The following LTBP3 variants were observed in gnomAD, a reference collection of about 807,000 sequenced individuals.
LTBP3 encodes the protein latent transforming growth factor beta binding protein 3.
LTBP3 carries 97 observed loss-of-function variants against 159.7 expected under a neutral mutation model. The ratio of observed to expected loss-of-function variants is 0.61; its 90% CI spans 0.52 to 0.72. LTBP3 has a LOEUF of 0.72. Ranked by LOEUF, LTBP3 falls within the 30% of genes least tolerant of loss-of-function variation. The pLI is 0.00. For synonymous variants in LTBP3, 824 were observed against 777.1 expected, an observed-to-expected ratio of 1.06 and a Z score of -1.00; for missense variants, 1,584 against 1,864.3, an observed-to-expected ratio of 0.85 and a Z score of 2.77.
Position 65,553,029 on chromosome 11 carries a change from G to A in LTBP3, c.1064-47C>T, listed in dbSNP as rs563930430. 12 of 1,613,812 alleles carry A rather than the reference G, an allele frequency of 7.4e-6. No individual in the cohort carries two copies. In the South Asian group the frequency reaches 1.3e-4, roughly 18 times the overall value. ...CCCCTCTGGTCTGGGGCCATGGGGT[G>A]ACAGCAGGCTGCTCCAAGAACCTCA... On this transcript the variant is annotated intron_variant, in intron 5 of 27. Transcript: ENST00000301873. The surrounding 1 kb of genome is among the most constrained non-coding windows in gnomAD (Gnocchi z 6.5).
intron 18 of LTBP3, chr11:65,542,403 T>G (rs1330820353): frequency 6.8e-6 from 1 of 147,452 alleles, no homozygotes; most frequent in Non-Finnish European, 1.5e-5. Context: ...TTTTTTTTTT[T>G]TTTGAGATGG....
At chr11:65,540,794 G>C (rs1856094184) in intron 21 of LTBP3, 77 bp downstream of exon 21, 10 of 1,525,778 alleles carry the variant, frequency 6.6e-6, no homozygotes, top group South Asian at 4.6e-5. Context: ...AGCTGACCCA[G>C]CGAGTCCCGG....
chr11:65,541,477 A>G, intron 19 of LTBP3, 123 bp downstream of exon 19: 1 of 1,533,708 alleles, frequency 6.5e-7, no homozygotes, highest in East Asian at 2.3e-5. Context: ...AGACTCCCCC[A>G]GCCAAAAGAG....
At chr11:65,545,395 C>T (rs536147953) in intron 16 of LTBP3, 37 of 227,872 alleles carry the variant, frequency 1.6e-4, no homozygotes, top group Middle Eastern at 1.3e-3. Flanking sequence ...GCATCTCCTG[C>T]TGAGAGGCTC....
At chr11:65,539,965 G>A in intron 24 of LTBP3, 48 bp downstream of exon 24, 1 of 1,456,550 alleles carries the variant, frequency 6.9e-7, no homozygotes, top group Non-Finnish European at 9.0e-7. Flanking sequence ...CGGGGGCCAC[G>A]TGACGGACAG....
At chr11:65,550,234 C>T (rs1856553150) in intron 11 of LTBP3, among the ~76,000 whole-genome samples, 1 of 151,816 alleles carries the variant, frequency 6.6e-6, no homozygotes, top group Admixed American at 6.6e-5. Context: ...ATGGTGAAAC[C>T]CCATGTCTAC....
rs1376789095 is a variant in LTBP3, at chr11:65,547,154, C to A, written c.2108-234G>T. Among the ~76,000 whole-genome samples, 1 of 152,180 alleles carries A rather than the reference C, an allele frequency of 6.6e-6. No homozygotes were observed. The highest frequency in any genetic ancestry group is 1.5e-5 in the Non-Finnish European group (1 of 68,024). On this transcript the variant is annotated intron_variant, in intron 14 of 27. Coordinates refer to ENST00000301873, the MANE Select transcript of LTBP3 (RefSeq NM_001130144.3). The surrounding 1 kb of genome is among the most constrained non-coding windows in gnomAD (Gnocchi z 4.6). ...CCTGAGGTCAGGAGTTCGAGACCAGCCTGGCCAACATGGCGAAACCCCGTC... is the reference window on the plus strand; with the variant it reads ...CCTGAGGTCAGGAGTTCGAGACCAGACTGGCCAACATGGCGAAACCCCGTC...
Position 65,539,053 on chromosome 11 carries a change from T to C in LTBP3, c.*27A>G. ...GGAAATCCCTCAGTGATCACCGAGGTCTGGGCCGAGGGCGGCGTCGGCGGC... is the reference window on the plus strand; with the variant it reads ...GGAAATCCCTCAGTGATCACCGAGGCCTGGGCCGAGGGCGGCGTCGGCGGC... On this transcript the variant is annotated 3_prime_UTR_variant, in exon 28 of 28. Transcript: ENST00000301873. 2 of 1,356,086 alleles carry C rather than the reference T, an allele frequency of 1.5e-6. No individual in the cohort carries two copies. The highest frequency in any genetic ancestry group is 1.9e-6 in the Non-Finnish European group (2 of 1,056,282). 84.0% of individuals were successfully genotyped at this position (1,356,086 alleles called of 1,614,324 possible). A position where few individuals can be genotyped will look rare whatever the true frequency, so the allele number is the denominator to read the frequency against.
At position 65,558,114 on chromosome 11, in the gene LTBP3, G is replaced by A; in HGVS notation, c.-155C>T. The A allele has an allele frequency of 2.8e-6, 3 of 1,079,506 alleles. No individual in the cohort carries two copies. The highest frequency in any genetic ancestry group is 1.1e-6 in the Non-Finnish European group (1 of 889,614). The allele number at this position is 1,079,506 out of a possible 1,614,324, so 66.9% of individuals were successfully genotyped here. On this transcript the variant is annotated 5_prime_UTR_variant, in exon 1 of 28. Transcript: ENST00000301873. ...GGGCGGGAGGGGACCGCGGGGGCCCGGCGGGAGGCGCGGAGATGCAGACTG... is the reference window on the plus strand; with the variant it reads ...GGGCGGGAGGGGACCGCGGGGGCCCAGCGGGAGGCGCGGAGATGCAGACTG...
rs971757028 is a variant in LTBP3 at position 65,554,121 on chromosome 11, G to C, written c.591C>G (p.Pro197=). 6.2e-7 allele frequency: 1 copy of C among 1,611,166 alleles called. No homozygotes were observed. Among genetic ancestry groups the C allele is most frequent in the Non-Finnish European group, 8.5e-7 (1 of 1,179,556 alleles). The change falls in exon 2 of 28, where the codon CCC becomes CCG. Residue 197 remains proline, a synonymous_variant. Coordinates refer to ENST00000301873, the MANE Select transcript of LTBP3 (RefSeq NM_001130144.3). The surrounding 1 kb of genome is among the most constrained non-coding windows in gnomAD (Gnocchi z 5.3). The part of the protein sequence containing the change: ...AVQVIADPPG[P]GEGPPAQHAA... Reference sequence around the variant, plus strand: ...CGTGCTGGGCAGGAGGCCCCTCCCCGGGCCCAGGAGGGTCAGCGATCACCT... The same window carrying C: ...CGTGCTGGGCAGGAGGCCCCTCCCCCGGCCCAGGAGGGTCAGCGATCACCT...
rs1054389826 is a variant in LTBP3, at chr11:65,540,014, G to A, written c.3384C>T (p.Ala1128=). 3 of 1,495,894 alleles carry A rather than the reference G, an allele frequency of 2.0e-6. No individual in the cohort carries two copies. Among genetic ancestry groups the A allele is most frequent in the Non-Finnish European group, 2.7e-6 (3 of 1,128,598 alleles). 92.7% of individuals were successfully genotyped at this position (1,495,894 alleles called of 1,614,324 possible). The change falls in exon 24 of 28, where the codon GCC becomes GCT. Residue 1128 remains alanine (A), a splice_region_variant and synonymous_variant. Coordinates refer to ENST00000301873, the MANE Select transcript of LTBP3 (RefSeq NM_001130144.3). ...GCCAAGGCCAACCCTCGCCCTCACC[G>A]GCCGGGCTCTCGGGGAGCTGGCAAT... The part of the protein sequence containing the change: ...GRDCQLPESP[A]ERAPERRDVC...
At chr11:65,541,080 G>C in intron 20 of LTBP3, 46 bp downstream of exon 20, 1 of 1,596,396 alleles carries the variant, frequency 6.3e-7, no homozygotes, top group Non-Finnish European at 8.5e-7. Context: ...TTGGCTTCCA[G>C]ATGAAGAAAC....
intron 11 of LTBP3, among the ~76,000 whole-genome samples, chr11:65,549,071 A>T (rs758312791): frequency 8.5e-5 from 13 of 152,224 alleles, no homozygotes; most frequent in Non-Finnish European, 1.8e-4. Context: ...AACGAGGCTA[A>T]CAACGCTCAC....
chr11:65,541,995 C>T (rs112461136), intron 18 of LTBP3: 34 of 442,522 alleles, frequency 7.7e-5, no homozygotes, highest in African/African-American at 6.0e-4. Flanking sequence ...TGCAATTGAG[C>T]TTCCGATACC....
In LTBP3 at chr11:65,551,573, G is replaced by C. The variant is rs1246411886; in HGVS notation, c.1532-9C>G. ...TGAGTCCGTGGTCACCCCTAAAAGG[G>C]AAGAAGATGGGGCCATGAAGTGTTG... On this transcript the variant is annotated splice_polypyrimidine_tract_variant and intron_variant, in intron 8 of 27. Coordinates refer to ENST00000301873, the MANE Select transcript of LTBP3 (RefSeq NM_001130144.3). The C allele has an allele frequency of 3.1e-6, 5 of 1,614,040 alleles. No individual in the cohort carries two copies. Among genetic ancestry groups the C allele is most frequent in the Middle Eastern group, 1.6e-4 (1 of 6,062 alleles).
At chr11:65,550,964 AGGGCAGTG>A (rs1856585675) in intron 11 of LTBP3, among the ~76,000 whole-genome samples, 154 bp downstream of exon 11, 1 of 152,270 alleles carries the variant, frequency 6.6e-6, no homozygotes, top group Admixed American at 6.5e-5. Flanking sequence ...TGGATCGTTT[AGGGCAGTG>A]GGATCTCTGG....
rs368701708 is a variant in LTBP3, at chr11:65,547,663, G to A, written c.1978+27C>T. 8 of 1,606,098 alleles carry A rather than the reference G, an allele frequency of 5.0e-6. No homozygotes were observed. Among genetic ancestry groups the A allele is most frequent in the African/African-American group, 1.3e-5 (1 of 74,894 alleles). ...CTGGAGGAGAGCCCGTCCCACCCAGGGCCGCCTCCGCCCTGGCGGCGCTCA... is the reference window on the plus strand; with the variant it reads ...CTGGAGGAGAGCCCGTCCCACCCAGAGCCGCCTCCGCCCTGGCGGCGCTCA... On this transcript the variant is annotated intron_variant, in intron 13 of 27. Coordinates refer to ENST00000301873, the MANE Select transcript of LTBP3 (RefSeq NM_001130144.3). The surrounding 1 kb of genome is among the most constrained non-coding windows in gnomAD (Gnocchi z 4.6).
rs1856715476 is a variant in LTBP3, at chr11:65,553,988, T to G, written c.661+63A>C. ...AGCTCCTCCAGGGCTGAACCTGCCCTGCCCTGGCCACCCTAGTGCCCACCC... is the reference window on the plus strand; with the variant it reads ...AGCTCCTCCAGGGCTGAACCTGCCCGGCCCTGGCCACCCTAGTGCCCACCC... On this transcript the variant is annotated intron_variant, in intron 2 of 27. Coordinates refer to ENST00000301873, the MANE Select transcript of LTBP3 (RefSeq NM_001130144.3). The surrounding 1 kb of genome is among the most constrained non-coding windows in gnomAD (Gnocchi z 6.5). 45 of 1,580,884 alleles carry G rather than the reference T, an allele frequency of 2.8e-5. No homozygotes were observed. Among genetic ancestry groups the G allele is most frequent in the Non-Finnish European group, 3.8e-5 (44 of 1,166,048 alleles).
rs1203172369 is a variant in LTBP3 at position 65,541,592 on chromosome 11, A to G, written c.2725+8T>C. On this transcript the variant is annotated splice_region_variant and intron_variant, in intron 19 of 27. Transcript: ENST00000301873. ...CCAGTCCGAGGGAGGAGCTGGGAGG[A>G]CACTCACCCTCACAACCGTGCTGGT... 1.9e-6 allele frequency: 3 copies of G among 1,613,926 alleles called. No homozygotes were observed. The highest frequency in any genetic ancestry group is 1.7e-6 in the Non-Finnish European group (2 of 1,179,990).
Sources: gnomAD v4.1 joint callset for allele counts (sites outside exome capture counted in the v4.1 genomes callset) on GRCh38, gnomAD v4.1.1 for gene constraint, Gnocchi (gnomAD v3.1) non-coding constraint, MANE v1.5 for transcripts, NCBI Gene and HGNC (gene_info 2026-07-23, HGNC 2026-07-21) for gene names.